DLGAP2: variants seen among roughly 807,000 people sequenced by gnomAD.
DLGAP2 encodes the protein DLG associated protein 2.
Under a neutral mutation model 100.3 loss-of-function variants are expected in DLGAP2, and 26 were observed. The ratio of observed to expected loss-of-function variants is 0.26; its 90% CI spans 0.19 to 0.36. The LOEUF is 0.36. Among genes scored for constraint, DLGAP2 ranks in the 10% least tolerant of loss-of-function variants. The pLI is 1.00. For missense variants in DLGAP2, 1,858 were observed against 1,453.2 expected (o/e 1.28, Z -4.53); for synonymous variants, 886 against 630.1 (o/e 1.41, Z -6.08).
chr8:1,201,851 G>A (rs370991649), intron 2 of DLGAP2, among the ~76,000 whole-genome samples: 24,789 of 152,096 alleles, frequency 0.16, 3,621 homozygotes, highest in African/African-American at 0.39. Flanking sequence ...ATGTGTGTAT[G>A]TGTACGGTAT....
At chr8:819,616 A>C (rs764311528) in intron 1 of DLGAP2, among the ~76,000 whole-genome samples, 2 of 152,262 alleles carry the variant, frequency 1.3e-5, no homozygotes, top group Non-Finnish European at 2.9e-5. Context: ...TGGAGAACAA[A>C]TATGAGATCA....
intron 3 of DLGAP2, among the ~76,000 whole-genome samples, chr8:1,275,638 G>A (rs1799667461): frequency 6.7e-6 from 1 of 148,442 alleles, no homozygotes; most frequent in Admixed American, 6.9e-5. Flanking sequence ...AAGGGTCCAA[G>A]TAGTTCTCAC....
At chr8:1,078,034 A>G (rs980191913) in intron 2 of DLGAP2, among the ~76,000 whole-genome samples, 4 of 152,112 alleles carry the variant, frequency 2.6e-5, no homozygotes, top group African/African-American at 4.8e-5. Flanking sequence ...CAGGTCAAGC[A>G]CAGAGGAACT....
chr8:806,579 C>A (rs11774956), intron 1 of DLGAP2, among the ~76,000 whole-genome samples: 36,009 of 152,064 alleles, frequency 0.24, 5,019 homozygotes, highest in Admixed American at 0.43. Flanking sequence ...CAGGTGCCCC[C>A]CGAACAGGTG....
chr8:953,906 G>A (rs1799538869), intron 2 of DLGAP2, among the ~76,000 whole-genome samples: 1 of 152,200 alleles, frequency 6.6e-6, no homozygotes, highest in Admixed American at 6.5e-5. Flanking sequence ...CCTCATCAAG[G>A]ATGTTCTTTA....
chr8:903,904 A>T (rs1798318805), intron 1 of DLGAP2, among the ~76,000 whole-genome samples: 1 of 152,202 alleles, frequency 6.6e-6, no homozygotes. Flanking sequence ...TCAGACTCAC[A>T]TTCGTCAGGG....
intron 6 of DLGAP2, among the ~76,000 whole-genome samples, chr8:1,585,421 A>T (rs143743113): frequency 0.085 from 12,907 of 152,148 alleles, 1,007 homozygotes; most frequent in African/African-American, 0.21. Flanking sequence ...CTGAGATTGC[A>T]CCACTGCACT....
At chr8:1,184,043 C>A (rs1449617371) in intron 2 of DLGAP2, among the ~76,000 whole-genome samples, 2 of 152,184 alleles carry the variant, frequency 1.3e-5, no homozygotes, top group Non-Finnish European at 2.9e-5. Context: ...GGTCATAGAA[C>A]TCAGACAGCT....
intron 3 of DLGAP2, among the ~76,000 whole-genome samples, chr8:1,323,759 C>T (rs984345122): frequency 6.6e-6 from 1 of 152,208 alleles, no homozygotes; most frequent in Admixed American, 6.5e-5. Flanking sequence ...GCCTGTGCCA[C>T]CCAGGACACC....
intron 2 of DLGAP2, among the ~76,000 whole-genome samples, chr8:1,144,164 G>A (rs1227486855): frequency 6.6e-6 from 1 of 152,256 alleles, no homozygotes; most frequent in Non-Finnish European, 1.5e-5. Flanking sequence ...AAAAAGAAAG[G>A]AGGGGAATGG....
At chr8:1,159,159 A>C (rs1289836098) in intron 2 of DLGAP2, among the ~76,000 whole-genome samples, 2 of 152,234 alleles carry the variant, frequency 1.3e-5, no homozygotes, top group Non-Finnish European at 2.9e-5. Flanking sequence ...GATGTCTGAT[A>C]AAAAATACAG....
chr8:1,527,933 AG>A (rs1375080656), intron 4 of DLGAP2, among the ~76,000 whole-genome samples: 1 of 152,162 alleles, frequency 6.6e-6, no homozygotes, highest in Non-Finnish European at 1.5e-5. Flanking sequence ...AAAAAAAAAA[AG>A]TTCATTCAAC....
rs1160401391 is a variant in DLGAP2, at chr8:1,678,260, G to T, written c.2335G>T (p.Ala779Ser). Residue 779 changes from alanine to serine, a missense_variant, in exon 12 of 15, where the codon GCT (alanine) becomes TCT (serine). Physicochemically the swap from Ala to Ser is moderately conservative, Grantham distance 99. Transcript: ENST00000637795. ...TAACAGCGTCACGGCCGCCGTCCAA[G>T]CTGACCTGGAGCTGGAGGGGTTCCC... Reference protein sequence around the residue: ...RSNSVTAAVQADLELEGFPGH... With the variant: ...RSNSVTAAVQSDLELEGFPGH... 1 of 1,613,770 alleles carries T rather than the reference G, an allele frequency of 6.2e-7. No individual in the cohort carries two copies. Among genetic ancestry groups the T allele is most frequent in the Non-Finnish European group, 8.5e-7 (1 of 1,179,850 alleles).
intron 2 of DLGAP2, among the ~76,000 whole-genome samples, chr8:1,027,674 T>G (rs1270893713): frequency 1.4e-5 from 2 of 145,658 alleles, no homozygotes; most frequent in African/African-American, 5.2e-5. Flanking sequence ...ATTCTCCAGC[T>G]GGGGTGCCAG....
At chr8:1,085,794 T>C (rs1803955724) in intron 2 of DLGAP2, among the ~76,000 whole-genome samples, 1 of 152,244 alleles carries the variant, frequency 6.6e-6, no homozygotes, top group Non-Finnish European at 1.5e-5. Flanking sequence ...GTTTTTTCTG[T>C]ATCTACAAGG....
At chr8:1,142,068 A>T (rs1796530513) in intron 2 of DLGAP2, among the ~76,000 whole-genome samples, 1 of 108,328 alleles carries the variant, frequency 9.2e-6, no homozygotes, top group Admixed American at 1.1e-4. Flanking sequence ...CTGCCTACGT[A>T]TATAAGTTTT....
intron 1 of DLGAP2, among the ~76,000 whole-genome samples, chr8:851,963 G>A (rs1197563703): frequency 6.6e-6 from 1 of 152,182 alleles, no homozygotes. Context: ...AAGGTGCAGT[G>A]ACTTGGTCAG....
Position 1,264,662 on chromosome 8 carries a change from G to A in DLGAP2, c.106+5779G>A, listed in dbSNP as rs180948545. On this transcript the variant is annotated intron_variant, in intron 3 of 14. Coordinates refer to ENST00000637795, the MANE Select transcript of DLGAP2 (RefSeq NM_001346810.2). ...TACACAGAATTCTTGACAACATAGG[G>A]GTCAAAGGACTTCTCCACTATAAAA... Among the ~76,000 whole-genome samples, 50 of 152,076 alleles carry A rather than the reference G, an allele frequency of 3.3e-4. No individual in the cohort carries two copies. The East Asian group carries it at 6.4e-3, about 19-fold the overall frequency.
chr8:915,659 T>G (rs962562850), intron 2 of DLGAP2, among the ~76,000 whole-genome samples: 17 of 152,166 alleles, frequency 1.1e-4, no homozygotes. Flanking sequence ...CGGCTGGTCA[T>G]GCGTTTGCCT....
Sources: gnomAD v4.1 joint callset for allele counts (sites outside exome capture counted in the v4.1 genomes callset) on GRCh38, gnomAD v4.1.1 for gene constraint, MANE v1.5 for transcripts, NCBI Gene and HGNC (gene_info 2026-07-23, HGNC 2026-07-21) for gene names.